The following PLPPR1 variants were observed in gnomAD, a reference collection of about 807,000 sequenced individuals.
PLPPR1 encodes phospholipid phosphatase-related protein type 1.
PLPPR1 carries 10 observed loss-of-function variants against 33.1 expected under a neutral mutation model. The observed-to-expected ratio is 0.30, with a 90% CI of 0.19 to 0.51. The LOEUF is 0.51. PLPPR1 is among the 20% of genes least tolerant of loss of function. The pLI is 0.97. For missense variants in PLPPR1, 304 were observed against 408.1 expected (o/e 0.74, Z 2.20); for synonymous variants, 151 against 151.0 (o/e 1.00, Z 0.00).
chr9:101,237,658 C>T (rs1246862074), intron 2 of PLPPR1, among the ~76,000 whole-genome samples: 2 of 132,716 alleles, frequency 1.5e-5, no homozygotes, highest in Admixed American at 7.8e-5. Flanking sequence ...CACACACACA[C>T]AAAATTCCAT....
intron 2 of PLPPR1, among the ~76,000 whole-genome samples, chr9:101,215,054 A>G (rs1038786234): frequency 6.6e-6 from 1 of 151,990 alleles, no homozygotes; most frequent in Non-Finnish European, 1.5e-5. Flanking sequence ...AGAAAAGAAA[A>G]AAGCTAAAGG....
intron 4 of PLPPR1, among the ~76,000 whole-genome samples, chr9:101,292,112 G>A (rs534122445): frequency 6.6e-6 from 1 of 152,334 alleles, no homozygotes; most frequent in South Asian, 2.1e-4. Flanking sequence ...TGATGGAGCT[G>A]CAAGCCAAGG....
intron 3 of PLPPR1, 104 bp from the exon 4 acceptor site, chr9:101,286,000 A>G: frequency 1.2e-6 from 1 of 837,112 alleles, no homozygotes; most frequent in Non-Finnish European, 1.9e-6. Flanking sequence ...ACATCTTTTA[A>G]AATGATTGTG....
intron 1 of PLPPR1, among the ~76,000 whole-genome samples, chr9:101,149,916 T>C (rs1344722679): frequency 6.6e-6 from 1 of 152,144 alleles, no homozygotes; most frequent in Non-Finnish European, 1.5e-5. Flanking sequence ...GGAACACCAA[T>C]TATAGGTGTG....
chr9:101,083,935 G>A (rs1365644768), intron 1 of PLPPR1, among the ~76,000 whole-genome samples: 1 of 152,178 alleles, frequency 6.6e-6, no homozygotes, highest in African/African-American at 2.4e-5. Context: ...TCTGTAAGGA[G>A]GATGCAGTTT....
chr9:101,190,859 A>G (rs1826285784), intron 2 of PLPPR1, among the ~76,000 whole-genome samples: 1 of 152,200 alleles, frequency 6.6e-6, no homozygotes, highest in Non-Finnish European at 1.5e-5. Context: ...GAAAAGCTGA[A>G]AGGGAGAGGA....
rs1829221713 is a variant in PLPPR1 at position 101,324,702 on chromosome 9, A to T, written c.*645A>T. The stretch of plus-strand genomic sequence containing the variant: ...GATTCTTTCTTAGATAATGGCCTCT[A>T]CTAAATAACTCAAGATCTTTCTGGA... On this transcript the variant is annotated 3_prime_UTR_variant, in exon 8 of 8. Coordinates refer to ENST00000374874, the MANE Select transcript of PLPPR1 (RefSeq NM_207299.2). 6.5e-6 allele frequency: 1 copy of T among 152,718 alleles called. No individual in the cohort carries two copies. Among genetic ancestry groups the T allele is most frequent in the South Asian group, 2.1e-4 (1 of 4,830 alleles). 9.5% of individuals were successfully genotyped at this position (152,718 alleles called of 1,614,324 possible).
chr9:101,194,338 A>G (rs1474506961), intron 2 of PLPPR1, among the ~76,000 whole-genome samples: 4 of 152,212 alleles, frequency 2.6e-5, no homozygotes, highest in African/African-American at 9.6e-5. Flanking sequence ...ACCCTTCCAT[A>G]CAGGGTCTTG....
intron 1 of PLPPR1, among the ~76,000 whole-genome samples, chr9:101,165,228 A>G (rs1430785686): frequency 1.3e-5 from 2 of 152,296 alleles, no homozygotes; most frequent in East Asian, 3.9e-4. Context: ...GACTGGGCTT[A>G]AGAGGGTTTA....
At chr9:101,115,549 G>C (rs1831108488) in intron 1 of PLPPR1, among the ~76,000 whole-genome samples, 1 of 152,172 alleles carries the variant, frequency 6.6e-6, no homozygotes, top group African/African-American at 2.4e-5. Context: ...AGAGGACAAA[G>C]AATTGAGCTT....
intron 2 of PLPPR1, among the ~76,000 whole-genome samples, chr9:101,197,566 C>CA (rs1184851837): frequency 2.0e-5 from 3 of 152,190 alleles, no homozygotes; most frequent in Admixed American, 6.5e-5. Flanking sequence ...ATAACCTCTC[C>CA]AGTCCAACCG....
chr9:101,134,242 G>T (rs1195196498), intron 1 of PLPPR1, among the ~76,000 whole-genome samples: 1 of 152,116 alleles, frequency 6.6e-6, no homozygotes, highest in African/African-American at 2.4e-5. Flanking sequence ...GACTGCTTAA[G>T]AATTATAGAA....
intron 1 of PLPPR1, chr9:101,125,625 C>G (rs1201759875): frequency 1.8e-6 from 1 of 565,116 alleles, no homozygotes; most frequent in Non-Finnish European, 3.3e-6. Context: ...GAGTCATCCT[C>G]AATTTCCTGG....
intron 2 of PLPPR1, among the ~76,000 whole-genome samples, chr9:101,253,966 A>T (rs552358199): frequency 6.6e-6 from 1 of 152,046 alleles, no homozygotes; most frequent in East Asian, 1.9e-4. Context: ...TCTGTTTTTC[A>T]CTTAATGGTT....
chr9:101,157,083 G>C (rs371621308), intron 1 of PLPPR1, among the ~76,000 whole-genome samples: 1 of 152,166 alleles, frequency 6.6e-6, no homozygotes, highest in Non-Finnish European at 1.5e-5. Context: ...ATGTGAAGGA[G>C]CTAATGAGGA....
At chr9:101,120,125 C>T (rs1340001410) in intron 1 of PLPPR1, among the ~76,000 whole-genome samples, 1 of 152,204 alleles carries the variant, frequency 6.6e-6, no homozygotes, top group Admixed American at 6.5e-5. Context: ...AGTGATGTTC[C>T]AGCCAAAATA....
intron 1 of PLPPR1, among the ~76,000 whole-genome samples, chr9:101,085,312 A>C (rs962466874): frequency 2.6e-5 from 4 of 152,210 alleles, no homozygotes; most frequent in African/African-American, 9.7e-5. Flanking sequence ...GATACTCTAG[A>C]ATATCTTTCC....
rs1457543154 is a variant in PLPPR1 at position 101,292,973 on chromosome 9, A to G, written c.385+6737A>G. 2.6e-5 allele frequency among the ~76,000 whole-genome samples: 4 copies of G among 152,032 alleles called. No homozygotes were observed. The East Asian group carries it at 7.7e-4, about 29-fold the overall frequency. On this transcript the variant is annotated intron_variant, in intron 4 of 7. Transcript: ENST00000374874. The stretch of plus-strand genomic sequence containing the variant: ...ATAACAATATTAACTTTAAATGTAA[A>G]TGGACTAAATGCTCCAATTAAAAGA...
chr9:101,032,114 C>T (rs577945837), intron 1 of PLPPR1, among the ~76,000 whole-genome samples: 6 of 152,192 alleles, frequency 3.9e-5, no homozygotes, highest in East Asian at 1.9e-4. Flanking sequence ...GTGGCTGTAG[C>T]GACAGATATG....
Sources: allele counts gnomAD v4.1 joint callset (sites outside exome capture counted in the v4.1 genomes callset), GRCh38; gene constraint gnomAD v4.1.1; transcripts MANE v1.5; gene names NCBI Gene and HGNC (gene_info 2026-07-23, HGNC 2026-07-21).